C1orf87: variants seen among roughly 807,000 people sequenced by gnomAD.
The protein encoded by C1orf87 is uncharacterized protein C1orf87.
C1orf87 carries 58 observed loss-of-function variants against 60.5 expected under a neutral mutation model. The observed-to-expected ratio is 0.96, with a 90% CI of 0.78 to 1.19. The LOEUF is 1.19. Ranked by LOEUF, C1orf87 falls within the 50% of genes most tolerant of loss-of-function variation. The pLI, the probability that C1orf87 is intolerant of heterozygous loss-of-function variation, is 0.00. For missense variants in C1orf87, 673 were observed against 638.6 expected, an observed-to-expected ratio of 1.05 and a Z score of -0.58; for synonymous variants, 236 against 227.4, an observed-to-expected ratio of 1.04 and a Z score of -0.34.
At chr1:60,016,319 C>T (rs1450318044) in intron 8 of C1orf87, among the ~76,000 whole-genome samples, 1 of 152,176 alleles carries the variant, frequency 6.6e-6, no homozygotes, top group African/African-American at 2.4e-5. Flanking sequence ...AGCCCCATAC[C>T]TGGATGTATT....
intron 9 of C1orf87, among the ~76,000 whole-genome samples, chr1:60,002,385 T>C (rs1399807523): frequency 2.0e-5 from 3 of 152,078 alleles, no homozygotes; most frequent in Non-Finnish European, 4.4e-5. Flanking sequence ...GACTAGAAAG[T>C]GTAAAGCAAT....
intron 8 of C1orf87, among the ~76,000 whole-genome samples, chr1:60,014,716 C>T (rs1645113486): frequency 6.6e-6 from 1 of 152,086 alleles, no homozygotes; most frequent in Non-Finnish European, 1.5e-5. Context: ...CTTTCTTTGC[C>T]TCCTGAAATG....
At chr1:60,037,053 C>T (rs1645282924) in intron 6 of C1orf87, among the ~76,000 whole-genome samples, 1 of 152,142 alleles carries the variant, frequency 6.6e-6, no homozygotes, top group Non-Finnish European at 1.5e-5. Flanking sequence ...GCAATTGCTG[C>T]AAATAACTTT....
At chr1:60,003,791 A>C (rs1034562570) in intron 9 of C1orf87, among the ~76,000 whole-genome samples, 3 of 152,080 alleles carry the variant, frequency 2.0e-5, no homozygotes, top group Non-Finnish European at 2.9e-5. Context: ...CGTAGTTTGA[A>C]AAATAAAGTC....
chr1:60,021,521 T>A (rs1034106948), intron 8 of C1orf87, among the ~76,000 whole-genome samples: 9 of 152,154 alleles, frequency 5.9e-5, no homozygotes, highest in Non-Finnish European at 1.2e-4. Context: ...CGTATCTGCA[T>A]CCCTGAGAAT....
intron 8 of C1orf87, among the ~76,000 whole-genome samples, chr1:60,014,730 G>A (rs904402484): frequency 6.6e-6 from 1 of 152,084 alleles, no homozygotes; most frequent in Non-Finnish European, 1.5e-5. Flanking sequence ...TGAAATGTAT[G>A]TTCCAGCCAT....
At chr1:60,027,895 T>G (rs1478273659) in intron 7 of C1orf87, among the ~76,000 whole-genome samples, 1 of 152,192 alleles carries the variant, frequency 6.6e-6, no homozygotes, top group Non-Finnish European at 1.5e-5. Flanking sequence ...ATCATACCCC[T>G]TTCCAGGCTG....
intron 2 of C1orf87, among the ~76,000 whole-genome samples, chr1:60,057,784 G>C (rs1444753004): frequency 1.3e-5 from 2 of 152,216 alleles, no homozygotes; most frequent in Non-Finnish European, 2.9e-5. Flanking sequence ...ATTAAGGGCA[G>C]ATGGTTTGGG....
At chr1:59,991,781 T>C (rs1644925316) in intron 11 of C1orf87, among the ~76,000 whole-genome samples, 1 of 152,192 alleles carries the variant, frequency 6.6e-6, no homozygotes, top group Non-Finnish European at 1.5e-5. Flanking sequence ...GTCAGTATGC[T>C]TTCCATGTTA....
intron 3 of C1orf87, among the ~76,000 whole-genome samples, chr1:60,042,477 C>T (rs1645332981): frequency 6.6e-6 from 1 of 152,174 alleles, no homozygotes; most frequent in Non-Finnish European, 1.5e-5. Flanking sequence ...TAGCAACCTA[C>T]AGATGTTTTA....
At chr1:60,055,530 G>T in intron 2 of C1orf87, 92 bp from the exon 3 acceptor site, 1 of 1,099,566 alleles carries the variant, frequency 9.1e-7, no homozygotes, top group Non-Finnish European at 1.4e-6. Context: ...TTGGTGTTGT[G>T]AACAGTAGAA....
intron 7 of C1orf87, among the ~76,000 whole-genome samples, chr1:60,031,729 G>A (rs986173374): frequency 8.5e-5 from 13 of 152,144 alleles, no homozygotes; most frequent in African/African-American, 2.9e-4. Context: ...ACTCAAAGAG[G>A]TTTAGTAAAT....
chr1:59,991,759 G>A (rs1040862508), intron 11 of C1orf87, among the ~76,000 whole-genome samples: 26 of 152,128 alleles, frequency 1.7e-4, no homozygotes, highest in Admixed American at 5.9e-4. Flanking sequence ...CATTATATAT[G>A]CCAATACCAA....
At chr1:60,053,658 G>GA (rs1207488264) in intron 3 of C1orf87, among the ~76,000 whole-genome samples, 1 of 151,672 alleles carries the variant, frequency 6.6e-6, no homozygotes, top group Non-Finnish European at 1.5e-5. Context: ...ATGTATGAAG[G>GA]AAAAAAGAGG....
chr1:60,040,096 A>G lies in C1orf87; in HGVS notation c.568T>C (p.Leu190=). The change falls in exon 5 of 12, where the codon TTG becomes CTG. Residue 190 remains leucine (L), a synonymous_variant. Coordinates refer to ENST00000371201, the MANE Select transcript of C1orf87 (RefSeq NM_152377.3). ...LVRRELKSRP[L]SSNLLEKLQK... is the part of the protein sequence containing the mutation. ...AGCTTTTCTAATAAGTTGGAACTCA[A>G]AGGACGTGACTTGAGTTCTCTTCTG... 6.2e-7 allele frequency: 1 copy of G among 1,614,240 alleles called. No homozygotes were observed. The highest frequency in any genetic ancestry group is 8.5e-7 in the Non-Finnish European group (1 of 1,180,034).
At chr1:60,055,467 A>G (rs372141589) in intron 2 of C1orf87, 29 bp from the exon 3 acceptor site, 1 of 1,592,154 alleles carries the variant, frequency 6.3e-7, no homozygotes, top group Non-Finnish European at 8.6e-7. Flanking sequence ...ATACTTTGTT[A>G]CTTACAGGCA....
At chr1:60,033,701 G>T in intron 6 of C1orf87, 60 bp from the exon 7 acceptor site, 1 of 1,536,556 alleles carries the variant, frequency 6.5e-7, no homozygotes, top group Non-Finnish European at 8.9e-7. Flanking sequence ...GCAGCTGCAT[G>T]CTTTCCTACT....
At chr1:60,041,190 GA>G in intron 3 of C1orf87, 59 bp from the exon 4 acceptor site, 1 of 1,402,282 alleles carries the variant, frequency 7.1e-7, no homozygotes, top group Non-Finnish European at 9.5e-7. Context: ...GGAAGAGAAA[GA>G]GGAAAGAATG....
chr1:60,009,635 C>T (rs1017571396), intron 9 of C1orf87, among the ~76,000 whole-genome samples: 3 of 148,678 alleles, frequency 2.0e-5, no homozygotes, highest in Non-Finnish European at 4.5e-5. Context: ...GACACACACA[C>T]ACGCACACAC....
Sources: allele counts gnomAD v4.1 joint callset (sites outside exome capture counted in the v4.1 genomes callset), GRCh38; gene constraint gnomAD v4.1.1; transcripts MANE v1.5; gene names NCBI Gene and HGNC (gene_info 2026-07-23, HGNC 2026-07-21).